CGAS: variants seen among roughly 807,000 people sequenced by gnomAD.
CGAS encodes cyclic GMP-AMP synthase, also known as 2'3'-cGAMP synthase.
CGAS carries 31 observed loss-of-function variants against 34.0 expected under a neutral mutation model. The ratio of observed to expected loss-of-function variants is 0.91; its 90% CI spans 0.69 to 1.23. The LOEUF (loss-of-function observed/expected upper bound fraction) is 1.23, where lower values mean the gene tolerates loss of function less well. Ranked by LOEUF, CGAS falls within the 50% of genes most tolerant of loss-of-function variation. The probability of loss-of-function intolerance (pLI) is 0.00; values close to 1 mark genes in which losing one functional copy is unlikely to be tolerated. For synonymous variants in CGAS, 266 were observed against 260.0 expected, an observed-to-expected ratio of 1.02 and a Z score of -0.22; for missense variants, 597 against 657.6, an observed-to-expected ratio of 0.91 and a Z score of 1.01.
In CGAS at chr6:73,442,480, A is replaced by G. The variant is rs1770394234; in HGVS notation, c.878-2035T>C. Among the ~76,000 whole-genome samples the G allele has an allele frequency of 2.0e-5, 3 of 150,600 alleles. No homozygotes were observed. In the Admixed American group the frequency reaches 2.0e-4, roughly 10 times the overall value. ...CAGTAGCGTGAACATGGCTCACTGC[A>G]GCCTCAACCTCCTAGGTTCAAGCAA... On this transcript the variant is annotated intron_variant, in intron 2 of 4. Transcript: ENST00000370315.
intron 3 of CGAS, among the ~76,000 whole-genome samples, chr6:73,437,429 A>G (rs956648563): frequency 1.4e-4 from 21 of 152,274 alleles, no homozygotes; most frequent in African/African-American, 4.8e-4. Flanking sequence ...TAAACTGTCC[A>G]GAGACTTTTT....
At chr6:73,443,697 TTTG>T (rs1770421344) in intron 2 of CGAS, among the ~76,000 whole-genome samples, 1 of 152,252 alleles carries the variant, frequency 6.6e-6, no homozygotes, top group Non-Finnish European at 1.5e-5. Context: ...ATTTTTTCCA[TTTG>T]TTATTAATTG....
At position 73,452,211 on chromosome 6, in the gene CGAS, A is replaced by G; in HGVS notation, c.-30T>C. The G allele has an allele frequency of 1.9e-6, 3 of 1,572,674 alleles. No individual in the cohort carries two copies. The highest frequency in any genetic ancestry group is 2.6e-6 in the Non-Finnish European group (3 of 1,161,534). On this transcript the variant is annotated 5_prime_UTR_variant, in exon 1 of 5. Transcript: ENST00000370315. ...GGCGCTTTCTGTTCCCCGAAAGAAG[A>G]ATCCGTTTCAGGAAAAGGCCGCAAG...
intron 3 of CGAS, among the ~76,000 whole-genome samples, chr6:73,435,443 G>A (rs903717699): frequency 1.3e-5 from 2 of 152,076 alleles, no homozygotes; most frequent in African/African-American, 4.8e-5. Context: ...GGAGATCTGG[G>A]AAATGCCTAG....
chr6:73,450,369 C>A (rs1240704480), intron 1 of CGAS, among the ~76,000 whole-genome samples: 77 of 149,294 alleles, frequency 5.2e-4, no homozygotes, highest in African/African-American at 1.9e-3. Context: ...GAGCTGAGAT[C>A]GCGCCATTGC....
chr6:73,450,320 C>A (rs1446405140), intron 1 of CGAS, among the ~76,000 whole-genome samples: 2 of 150,622 alleles, frequency 1.3e-5, no homozygotes, highest in Non-Finnish European at 2.9e-5. Context: ...GAGGCTGAGA[C>A]AGGAGAATCG....
chr6:73,443,235 C>CTCT (rs1770413032), intron 2 of CGAS, among the ~76,000 whole-genome samples: 1 of 104,222 alleles, frequency 9.6e-6, no homozygotes, highest in Non-Finnish European at 1.8e-5. Flanking sequence ...TTCCCAAACT[C>CTCT]TTTTTTTTTT....
chr6:73,449,694 C>T (rs1770528860), intron 1 of CGAS, among the ~76,000 whole-genome samples: 2 of 151,964 alleles, frequency 1.3e-5, no homozygotes. Flanking sequence ...TAAAAAGAAT[C>T]ATGCTCAAGA....
chr6:73,436,485 A>G (rs923028907), intron 3 of CGAS, among the ~76,000 whole-genome samples: 2 of 151,100 alleles, frequency 1.3e-5, no homozygotes, highest in African/African-American at 4.8e-5. Flanking sequence ...TACTATATAC[A>G]CATTTATATG....
chr6:73,444,587 G>C (rs1360604650), intron 2 of CGAS, among the ~76,000 whole-genome samples: 1 of 152,182 alleles, frequency 6.6e-6, no homozygotes, highest in Non-Finnish European at 1.5e-5. Flanking sequence ...GGGATTACAG[G>C]TGTGAGCCAC....
At chr6:73,445,319 T>C (rs1317030656) in intron 2 of CGAS, among the ~76,000 whole-genome samples, 2 of 151,710 alleles carry the variant, frequency 1.3e-5, no homozygotes, top group African/African-American at 4.8e-5. Context: ...AGAGAACAAA[T>C]AGATAAAGAC....
At chr6:73,446,997 A>T (rs1489787624) in intron 1 of CGAS, among the ~76,000 whole-genome samples, 1 of 152,156 alleles carries the variant, frequency 6.6e-6, no homozygotes, top group Non-Finnish European at 1.5e-5. Flanking sequence ...CGGAGGTTGC[A>T]GTGAGCCGAG....
At chr6:73,450,912 C>A (rs1037929428) in intron 1 of CGAS, among the ~76,000 whole-genome samples, 1 of 150,998 alleles carries the variant, frequency 6.6e-6, no homozygotes, top group African/African-American at 2.4e-5. Flanking sequence ...ATGGCGTGAA[C>A]CCGGGAGGCG....
Position 73,425,425 on chromosome 6 carries a change from G to C in CGAS, c.1371C>G (p.Arg457=), listed in dbSNP as rs771440912. ...TQNPQDSQWD[R]KDLGLCFDNC... ...TATCAAAGCAGAGGCCCAGGTCTTT[G>C]CGGTCCCACTGACTGTCTTGAGGGT... The change falls in exon 5 of 5, where the codon CGC becomes CGG. Residue 457 remains arginine, a synonymous_variant. Transcript: ENST00000370315. The C allele has an allele frequency of 6.2e-6, 10 of 1,614,100 alleles. No homozygotes were observed. Among genetic ancestry groups the C allele is most frequent in the Admixed American group, 1.7e-5 (1 of 59,982 alleles).
Position 73,445,685 on chromosome 6 carries a change from T to C in CGAS, c.720A>G (p.Glu240=). 1 of 1,612,672 alleles carries C rather than the reference T, an allele frequency of 6.2e-7. No individual in the cohort carries two copies. Among genetic ancestry groups the C allele is most frequent in the Non-Finnish European group, 8.5e-7 (1 of 1,179,572 alleles). ...AATATGCACGAGTGTTGGAATATTC[T>C]TCTAGTTGAATTCTGGGGACTTCCA... ...FKLEVPRIQL[E]EYSNTRAYYF... Residue 240 remains glutamate, a synonymous_variant, in exon 2 of 5, where the codon GAA becomes GAG. Transcript: ENST00000370315.
Position 73,451,867 on chromosome 6 carries a change from C to T in CGAS, c.315G>A (p.Leu105=), listed in dbSNP as rs537899264. Residue 105 remains leucine (L), a synonymous_variant, in exon 1 of 5, where the codon CTG becomes CTA. Transcript: ENST00000370315. ...DATSAPGAEG[L]EPPAAREPAL... ...CCGGCTCCCGAGCCGCAGGAGGCTC[C>T]AGCCCCTCTGCCCCAGGGGCGCTGG... 9.0e-6 allele frequency: 14 copies of T among 1,548,186 alleles called. No individual in the cohort carries two copies. In the African/African-American group the frequency reaches 1.1e-4, roughly 12 times the overall value.
intron 3 of CGAS, among the ~76,000 whole-genome samples, chr6:73,431,774 CACTT>C (rs1467991903): frequency 6.6e-6 from 1 of 152,166 alleles, no homozygotes; most frequent in Middle Eastern, 3.2e-3. Context: ...AAAAGTATGA[CACTT>C]ACAAGACAAG....
chr6:73,448,715 C>T (rs545467202), intron 1 of CGAS, among the ~76,000 whole-genome samples: 1 of 152,176 alleles, frequency 6.6e-6, no homozygotes, highest in South Asian at 2.1e-4. Flanking sequence ...ACTCAAACTC[C>T]CGCCTCAGCC....
chr6:73,450,157 C>A (rs1177587496), intron 1 of CGAS, among the ~76,000 whole-genome samples: 1 of 151,868 alleles, frequency 6.6e-6, no homozygotes, highest in African/African-American at 2.4e-5. Context: ...TGGCTCACGC[C>A]TGTAATCCCA....
Sources: allele counts gnomAD v4.1 joint callset (sites outside exome capture counted in the v4.1 genomes callset), GRCh38; gene constraint gnomAD v4.1.1; transcripts MANE v1.5; gene names NCBI Gene and HGNC (gene_info 2026-07-23, HGNC 2026-07-21).